Variants in EPHA2 observed in about 807,000 individuals in gnomAD.
EPHA2 encodes the protein EPH receptor A2, also known as ephrin type-A receptor 2.
EPHA2 carries 54 observed loss-of-function variants against 104.9 expected under a neutral mutation model. The ratio of observed to expected loss-of-function variants is 0.51; its 90% CI spans 0.41 to 0.65. EPHA2 has a LOEUF of 0.65. Among genes scored for constraint, EPHA2 ranks in the 30% least tolerant of loss-of-function variants. EPHA2 has a pLI of 0.00. For missense variants in EPHA2, 1,117 were observed against 1,369.5 expected, an observed-to-expected ratio of 0.82 and a Z score of 2.91; for synonymous variants, 560 against 559.1, an observed-to-expected ratio of 1.00 and a Z score of -0.02.
Position 16,155,937 on chromosome 1 carries a change from C to A in EPHA2, c.-5G>T. On this transcript the variant is annotated 5_prime_UTR_variant, in exon 1 of 17. Coordinates refer to ENST00000358432, the MANE Select transcript of EPHA2 (RefSeq NM_004431.5). ...GCGGGCTGCCTGGAGCTCCATGCCG[C>A]GCTTCTCGCTCTCGGTCCGATCCCC... The A allele has an allele frequency of 6.7e-7, 1 of 1,489,592 alleles. No individual in the cohort carries two copies. Among genetic ancestry groups the A allele is most frequent in the Non-Finnish European group, 8.9e-7 (1 of 1,127,412 alleles). 92.3% of individuals were successfully genotyped at this position (1,489,592 alleles called of 1,614,324 possible).
intron 15 of EPHA2, 82 bp from the exon 16 acceptor site, chr1:16,129,671 T>C (rs2024538282): frequency 6.7e-7 from 1 of 1,502,352 alleles, no homozygotes; most frequent in Non-Finnish European, 8.9e-7. Flanking sequence ...CTAACCTGGA[T>C]GATTGACTCG....
In EPHA2 at chr1:16,148,099, C is replaced by T. The variant is rs2024965864; in HGVS notation, c.823+279G>A. The stretch of plus-strand genomic sequence containing the variant: ...TTATGTTGCCCAGGCTGGTCTCAAA[C>T]TCCTGGGCTCAAGTGATCCACCCAC... On this transcript the variant is annotated intron_variant, in intron 3 of 16. Transcript: ENST00000358432. This position sits in a 1 kb window ranked among gnomAD's most constrained non-coding sequence, Gnocchi z 4.9. 6.6e-6 allele frequency among the ~76,000 whole-genome samples: 1 copy of T among 152,230 alleles called. No individual in the cohort carries two copies. Among genetic ancestry groups the T allele is most frequent in the African/African-American group, 2.4e-5 (1 of 41,538 alleles).
At chr1:16,145,240 TCAGCCCGAGCGACTCC>T (rs2024908145) in intron 3 of EPHA2, among the ~76,000 whole-genome samples, 3 of 152,132 alleles carry the variant, frequency 2.0e-5, no homozygotes, top group Non-Finnish European at 4.4e-5. Flanking sequence ...GGGACAGCGG[TCAGCCCGAGCGACTCC>T]ACTGTCCCCG....
chr1:16,134,662 C>CT lies in EPHA2; in HGVS notation c.1583-96dup. On this transcript the variant is annotated intron_variant, in intron 7 of 16. Transcript: ENST00000358432. The surrounding 1 kb of genome is among the most constrained non-coding windows in gnomAD (Gnocchi z 4.5). ...AAGACACCTGGGCCCCTACTGTGTG[C>CT]TGGGTGCTTGCACTTGGGAAGGCTC... The CT allele has an allele frequency of 7.4e-7, 1 of 1,348,346 alleles. No individual in the cohort carries two copies. The highest frequency in any genetic ancestry group is 1.0e-6 in the Non-Finnish European group (1 of 959,344). The allele number at this position is 1,348,346 out of a possible 1,614,324, so 83.5% of individuals were successfully genotyped here.
Position 16,134,520 on chromosome 1 carries a change from C to T in EPHA2, c.1630G>A (p.Gly544Ser), listed in dbSNP as rs143249377. Reference sequence around the variant, plus strand: ...GCCAGCACCAGAAGCAGGACCACACCGACAGCCACGCCGCCAATCACCGCC... The same window carrying T: ...GCCAGCACCAGAAGCAGGACCACACTGACAGCCACGCCGCCAATCACCGCC... ...NLAVIGGVAV[G>S]VVLLLVLAGV... Residue 544 changes from glycine (G) to serine (S), a missense_variant, in exon 8 of 17, where the codon GGT becomes AGT. Around this residue, in one of 3 missense-constraint regions of EPHA2, gnomAD observed 664 missense variants for 784.8 expected, o/e 0.85. Transcript: ENST00000358432. This position sits in a 1 kb window ranked among gnomAD's most constrained non-coding sequence, Gnocchi z 4.5. 3.0e-5 allele frequency: 48 copies of T among 1,614,088 alleles called. No homozygotes were observed. The highest frequency in any genetic ancestry group is 1.0e-4 in the Admixed American group (6 of 60,028).
rs55747232 is a variant in EPHA2 at position 16,135,086 on chromosome 1, G to A, written c.1532C>T (p.Thr511Met). Reference sequence around the variant, plus strand: ...GCTGCCGGCCCCCTGGCCCTCCTGCGTCAGTGCCTGCACCTGGACCAGGTA... The same window carrying A: ...GCTGCCGGCCCCCTGGCCCTCCTGCATCAGTGCCTGCACCTGGACCAGGTA... The part of the protein sequence containing the change: ...TTYLVQVQAL[T>M]QEGQGAGSKV... Residue 511 changes from threonine (T) to methionine (M), a missense_variant, in exon 7 of 17, where the codon ACG becomes ATG. Physicochemically the swap from Thr to Met is moderately conservative, Grantham distance 81. Transcript: ENST00000358432. This position sits in a 1 kb window ranked among gnomAD's most constrained non-coding sequence, Gnocchi z 4.3. 1,373 of 1,613,806 alleles carry A rather than the reference G, an allele frequency of 8.5e-4. 18 individuals are homozygous for A. The East Asian group carries it at 0.021, about 25-fold the overall frequency.
chr1:16,137,780 C>T, intron 5 of EPHA2, 73 bp downstream of exon 5: 3 of 1,577,218 alleles, frequency 1.9e-6, no homozygotes, highest in Non-Finnish European at 2.6e-6. Context: ...ACACCCGAGC[C>T]CCAGATGGCC....
intron 3 of EPHA2, among the ~76,000 whole-genome samples, chr1:16,139,619 G>A (rs982540283): frequency 6.6e-6 from 1 of 152,250 alleles, no homozygotes; most frequent in African/African-American, 2.4e-5. Context: ...AGTCTGAGAA[G>A]TCACAGAGGG....
In EPHA2 at chr1:16,150,852, C is replaced by G. The variant is rs754267201; in HGVS notation, c.153+44G>C. 4 of 1,603,024 alleles carry G rather than the reference C, an allele frequency of 2.5e-6. No individual in the cohort carries two copies. The highest frequency in any genetic ancestry group is 3.4e-6 in the Non-Finnish European group (4 of 1,169,982). On this transcript the variant is annotated intron_variant, in intron 2 of 16. Coordinates refer to ENST00000358432, the MANE Select transcript of EPHA2 (RefSeq NM_004431.5). The surrounding 1 kb of genome is among the most constrained non-coding windows in gnomAD (Gnocchi z 4.8). ...TTTCTCCATCTCTACAGGGGACCAGCAGCCCCATTCTCACACCTCTCCCCA... is the reference window on the plus strand; with the variant it reads ...TTTCTCCATCTCTACAGGGGACCAGGAGCCCCATTCTCACACCTCTCCCCA...
rs921503716 is a variant in EPHA2 at position 16,133,549 on chromosome 1, T to C, written c.1796A>G (p.Gln599Arg). The C allele has an allele frequency of 1.9e-6, 3 of 1,614,004 alleles. No homozygotes were observed. Among genetic ancestry groups the C allele is most frequent in the Admixed American group, 1.7e-5 (1 of 60,016 alleles). The part of the protein sequence containing the change: ...VDPHTYEDPN[Q>R]AVLKFTTEIH... ...CTCGGTAGTGAACTTCAACACAGCCTGGTTGGGGTCCTCATATGTGTGGGG... is the reference window on the plus strand; with the variant it reads ...CTCGGTAGTGAACTTCAACACAGCCCGGTTGGGGTCCTCATATGTGTGGGG... The change falls in exon 10 of 17, where the codon CAG becomes CGG. Residue 599 changes from glutamine (Q) to arginine (R), a missense_variant. This residue lies in a region of EPHA2 where 113 missense variants were observed against 104.3 expected (regional missense o/e 1.08). Transcript: ENST00000358432.
At chr1:16,151,914 G>A (rs1356163537) in intron 1 of EPHA2, among the ~76,000 whole-genome samples, 1 of 152,148 alleles carries the variant, frequency 6.6e-6, no homozygotes, top group African/African-American at 2.4e-5. Flanking sequence ...CCTGCCATTG[G>A]GCACCTCCCA....
At position 16,129,523 on chromosome 1, in the gene EPHA2, C is replaced by A. The variant is rs903033191; in HGVS notation, c.2736G>T (p.Trp912Cys). ...ACTGCTGCATCTTGATGGACTCCAGCCACTCGGACACCGTGCGGAAGGGCA... is the reference window on the plus strand; with the variant it reads ...ACTGCTGCATCTTGATGGACTCCAGACACTCGGACACCGTGCGGAAGGGCA... Reference protein sequence around the residue: ...EGVPFRTVSEWLESIKMQQYT... With the variant: ...EGVPFRTVSECLESIKMQQYT... The change falls in exon 16 of 17, where the codon TGG (tryptophan) becomes TGT (cysteine). Residue 912 changes from tryptophan (W) to cysteine (C), a missense_variant. Transcript: ENST00000358432. 1 of 1,613,704 alleles carries A rather than the reference C, an allele frequency of 6.2e-7. No individual in the cohort carries two copies.
At position 16,133,532 on chromosome 1, in the gene EPHA2, T is replaced by C. The variant is rs374827051; in HGVS notation, c.1813A>G (p.Thr605Ala). ...ACACAGGATGGATGGATCTCGGTAG[T>C]GAACTTCAACACAGCCTGGTTGGGG... Reference protein sequence around the residue: ...EDPNQAVLKFTTEIHPSCVTR... With the variant: ...EDPNQAVLKFATEIHPSCVTR... The change falls in exon 10 of 17, where the codon ACT (threonine) becomes GCT (alanine). Residue 605 changes from threonine (T) to alanine (A), a missense_variant. By Grantham distance (58) the Thr-to-Ala change is moderately conservative. Coordinates refer to ENST00000358432, the MANE Select transcript of EPHA2 (RefSeq NM_004431.5). 1.6e-5 allele frequency: 26 copies of C among 1,614,094 alleles called. No individual in the cohort carries two copies. The highest frequency in any genetic ancestry group is 6.7e-5 in the Admixed American group (4 of 60,024).
rs575389250 is a variant in EPHA2, at chr1:16,150,244, T to C, written c.153+652A>G. Among the ~76,000 whole-genome samples the C allele has an allele frequency of 6.6e-6, 1 of 151,666 alleles. No individual in the cohort carries two copies. The highest frequency in any genetic ancestry group is 2.1e-4 in the South Asian group (1 of 4,796). Reference sequence around the variant, plus strand: ...CCAGGACAAACTCAGCAAGGGCCCATTGTATAGAGAGGGAAACTGAGGCCC... The same window carrying C: ...CCAGGACAAACTCAGCAAGGGCCCACTGTATAGAGAGGGAAACTGAGGCCC... On this transcript the variant is annotated intron_variant, in intron 2 of 16. Coordinates refer to ENST00000358432, the MANE Select transcript of EPHA2 (RefSeq NM_004431.5). The surrounding 1 kb of genome is among the most constrained non-coding windows in gnomAD (Gnocchi z 4.8).
Position 16,125,352 on chromosome 1 carries a change from G to A in EPHA2, c.2826-32C>T. ...GCCGGGAGGGAGAGAGGGAGAGTTA[G>A]GGGCTGGAGCAGGGGAGGGGGCCGG... On this transcript the variant is annotated intron_variant, in intron 16 of 16. Coordinates refer to ENST00000358432, the MANE Select transcript of EPHA2 (RefSeq NM_004431.5). This position sits in a 1 kb window ranked among gnomAD's most constrained non-coding sequence, Gnocchi z 4.9. 6.4e-7 allele frequency: 1 copy of A among 1,566,958 alleles called. No homozygotes were observed. The highest frequency in any genetic ancestry group is 8.7e-7 in the Non-Finnish European group (1 of 1,144,286).
intron 16 of EPHA2, among the ~76,000 whole-genome samples, chr1:16,126,107 G>T (rs1359538447): frequency 6.6e-6 from 1 of 152,134 alleles, no homozygotes. Context: ...CAGCAGCCGA[G>T]GGGGAAGGCA....
At position 16,155,843 on chromosome 1, in the gene EPHA2, C is replaced by T; in HGVS notation, c.85+5G>A. The T allele has an allele frequency of 7.0e-7, 1 of 1,438,598 alleles. No individual in the cohort carries two copies. The highest frequency in any genetic ancestry group is 9.1e-7 in the Non-Finnish European group (1 of 1,100,492). 89.1% of individuals were successfully genotyped at this position (1,438,598 alleles called of 1,614,324 possible). A position where few individuals can be genotyped will look rare whatever the true frequency, so the allele number is the denominator to read the frequency against. ...GCCAGGGGTCCAGACGCCGCGCGCA[C>T]TCACCTTCCTTGCCCTGCGCCGCCG... On this transcript the variant is annotated splice_donor_5th_base_variant and intron_variant, in intron 1 of 16. Coordinates refer to ENST00000358432, the MANE Select transcript of EPHA2 (RefSeq NM_004431.5).
intron 3 of EPHA2, among the ~76,000 whole-genome samples, chr1:16,141,304 G>C (rs558210711): frequency 1.3e-5 from 2 of 152,108 alleles, no homozygotes; most frequent in South Asian, 4.1e-4. Flanking sequence ...GGCTGAAGTG[G>C]TCTCCTTCAA....
Position 16,133,866 on chromosome 1 carries a change from T to C in EPHA2, c.1732A>G (p.Lys578Glu), listed in dbSNP as rs759279095. ...RQSPEDVYFS[K>E]SEQLKPLKTY... ...AGCGGGGGCTGCGTCTCACCTGACT[T>C]GGAGAAGTAAACGTCCTCCGGGGAC... Residue 578 changes from lysine (K) to glutamate (E), a missense_variant, in exon 9 of 17, where the codon AAG (lysine) becomes GAG (glutamate). By Grantham distance (56) the Lys-to-Glu change is moderately conservative (BLOSUM62 1). Coordinates refer to ENST00000358432, the MANE Select transcript of EPHA2 (RefSeq NM_004431.5). 4 of 1,549,340 alleles carry C rather than the reference T, an allele frequency of 2.6e-6. No homozygotes were observed. In the South Asian group the frequency reaches 4.8e-5, roughly 19 times the overall value.
Sources: allele counts gnomAD v4.1 joint callset (sites outside exome capture counted in the v4.1 genomes callset), GRCh38; gene constraint gnomAD v4.1.1; regional missense constraint gnomAD v4.1.1; non-coding constraint Gnocchi (gnomAD v3.1); transcripts MANE v1.5; gene names NCBI Gene and HGNC (gene_info 2026-07-23, HGNC 2026-07-21).